The following NMNAT3 variants were observed in gnomAD, a reference collection of about 807,000 sequenced individuals.
NMNAT3 encodes nicotinamide nucleotide adenylyltransferase 3.
NMNAT3 carries 21 observed loss-of-function variants against 24.8 expected under a neutral mutation model. The ratio of observed to expected loss-of-function variants is 0.85; its 90% CI spans 0.60 to 1.22. The LOEUF is 1.22. NMNAT3 is among the 50% of genes most tolerant of loss of function. The probability of loss-of-function intolerance (pLI) is 0.00; values close to 1 mark genes in which losing one functional copy is unlikely to be tolerated. For missense variants in NMNAT3, 387 were observed against 436.6 expected, an observed-to-expected ratio of 0.89 and a Z score of 1.01; for synonymous variants, 136 against 155.2, an observed-to-expected ratio of 0.88 and a Z score of 0.92.
At position 139,578,908 on chromosome 3, in the gene NMNAT3, T is replaced by C. The variant is rs770009741; in HGVS notation, c.539A>G (p.Glu180Gly). Residue 180 changes from glutamate to glycine, a missense_variant, in exon 5 of 7, where the codon GAG (glutamate) becomes GGG (glycine). Transcript: ENST00000643695. Reference sequence around the variant, plus strand: ...CACTGTCTCCATCCACTGTGCCTGCTCACTCTCCCAAGGGTCCACCCGGAT... The same window carrying C: ...CACTGTCTCCATCCACTGTGCCTGCCCACTCTCCCAAGGGTCCACCCGGAT... The C allele has an allele frequency of 6.2e-7, 1 of 1,614,136 alleles. No individual in the cohort carries two copies.
At chr3:139,620,850 G>C (rs993590952) in intron 3 of NMNAT3, among the ~76,000 whole-genome samples, 3 of 152,202 alleles carry the variant, frequency 2.0e-5, no homozygotes, top group African/African-American at 7.2e-5. Context: ...ACATTGTGCA[G>C]TGGTGCAATC....
intron 1 of NMNAT3, among the ~76,000 whole-genome samples, chr3:139,647,167 T>G (rs1334981732): frequency 2.6e-5 from 4 of 152,212 alleles, no homozygotes; most frequent in African/African-American, 9.7e-5. Flanking sequence ...ACGTTTGTAA[T>G]TTCACTCATT....
At chr3:139,591,993 A>G (rs916279232) in intron 3 of NMNAT3, among the ~76,000 whole-genome samples, 6 of 152,256 alleles carry the variant, frequency 3.9e-5, no homozygotes, top group African/African-American at 1.4e-4. Context: ...AGCTGAGAGA[A>G]GAAGGCTTCA....
chr3:139,645,812 A>G (rs2056852559), intron 1 of NMNAT3, among the ~76,000 whole-genome samples: 1 of 152,194 alleles, frequency 6.6e-6, no homozygotes, highest in African/African-American at 2.4e-5. Flanking sequence ...AATAAGGAAG[A>G]AGGGAGAAAC....
chr3:139,593,937 C>G (rs2054321072), intron 3 of NMNAT3, among the ~76,000 whole-genome samples: 1 of 147,594 alleles, frequency 6.8e-6, no homozygotes, highest in Non-Finnish European at 1.5e-5. Context: ...CAAAAGCTAG[C>G]AGAAGGCAAG....
At chr3:139,623,006 T>A (rs2055874435) in intron 3 of NMNAT3, among the ~76,000 whole-genome samples, 1 of 151,040 alleles carries the variant, frequency 6.6e-6, no homozygotes, top group Non-Finnish European at 1.5e-5. Flanking sequence ...CACTGTTTAT[T>A]TAAACTACGC....
At chr3:139,650,513 G>C (rs2057021247) in intron 1 of NMNAT3, among the ~76,000 whole-genome samples, 1 of 152,186 alleles carries the variant, frequency 6.6e-6, no homozygotes, top group Non-Finnish European at 1.5e-5. Flanking sequence ...GTTGAGTACT[G>C]GAGAGGTGAT....
At chr3:139,591,470 G>A (rs1428387215) in intron 3 of NMNAT3, among the ~76,000 whole-genome samples, 1 of 152,168 alleles carries the variant, frequency 6.6e-6, no homozygotes, top group African/African-American at 2.4e-5. Flanking sequence ...GCCCACCACA[G>A]CTCAAGGAGG....
At chr3:139,623,294 A>G (rs955114578) in intron 3 of NMNAT3, among the ~76,000 whole-genome samples, 1 of 152,196 alleles carries the variant, frequency 6.6e-6, no homozygotes, top group African/African-American at 2.4e-5. Context: ...AGGATCATCA[A>G]TATCACCATC....
intron 1 of NMNAT3, among the ~76,000 whole-genome samples, chr3:139,674,603 G>GT (rs913549823): frequency 6.6e-6 from 1 of 152,200 alleles, no homozygotes; most frequent in Non-Finnish European, 1.5e-5. Context: ...AATTTTGCAG[G>GT]TTTTTTTCTT....
intron 3 of NMNAT3, among the ~76,000 whole-genome samples, chr3:139,610,566 G>T (rs2055163665): frequency 6.6e-6 from 1 of 152,184 alleles, no homozygotes; most frequent in South Asian, 2.1e-4. Flanking sequence ...GACCAGGCTG[G>T]AGAATTTTCC....
intron 1 of NMNAT3, among the ~76,000 whole-genome samples, chr3:139,641,263 C>T (rs2056692523): frequency 6.6e-6 from 1 of 152,206 alleles, no homozygotes; most frequent in South Asian, 2.1e-4. Flanking sequence ...TGTTGATTTT[C>T]CTTACTGTGT....
At chr3:139,640,834 C>G (rs777782617) in intron 1 of NMNAT3, among the ~76,000 whole-genome samples, 2 of 152,250 alleles carry the variant, frequency 1.3e-5, no homozygotes, top group East Asian at 3.8e-4. Context: ...TATGAGCAGA[C>G]TGCCATGGTG....
intron 3 of NMNAT3, among the ~76,000 whole-genome samples, chr3:139,594,992 T>A (rs1254315912): frequency 6.6e-6 from 1 of 152,034 alleles, no homozygotes; most frequent in Admixed American, 6.6e-5. Flanking sequence ...AAATAAAGGG[T>A]ATTCAATTAG....
chr3:139,575,988 T>C, intron 5 of NMNAT3: 1 of 1,288,962 alleles, frequency 7.8e-7, no homozygotes, highest in Non-Finnish European at 1.0e-6. Context: ...AGCCTCAGTT[T>C]CTTTATCTGT....
In NMNAT3 at chr3:139,655,879, G is replaced by A. The variant is rs987963393; in HGVS notation, c.-140-17817C>T. Among the ~76,000 whole-genome samples the A allele has an allele frequency of 2.0e-5, 3 of 152,150 alleles. No homozygotes were observed. In the South Asian group the frequency reaches 6.2e-4, roughly 32 times the overall value. On this transcript the variant is annotated intron_variant, in intron 1 of 6. Transcript: ENST00000643695. ...TGGTAGCAGAATTGCTGCTTTTGAG[G>A]GTTTTCCAAGAGTAGCTCCTTGAAA...
intron 3 of NMNAT3, among the ~76,000 whole-genome samples, chr3:139,595,749 G>C (rs962295589): frequency 2.6e-5 from 4 of 152,126 alleles, no homozygotes; most frequent in Non-Finnish European, 5.9e-5. Context: ...GGGAAAACTG[G>C]CTAGCCATAT....
intron 3 of NMNAT3, among the ~76,000 whole-genome samples, chr3:139,611,151 A>G (rs935419868): frequency 6.6e-6 from 1 of 152,186 alleles, no homozygotes; most frequent in African/African-American, 2.4e-5. Flanking sequence ...AGGAAATAAC[A>G]TCATAAAGAA....
At chr3:139,671,589 C>G (rs748568376) in intron 1 of NMNAT3, among the ~76,000 whole-genome samples, 7 of 151,148 alleles carry the variant, frequency 4.6e-5, no homozygotes, top group Non-Finnish European at 8.8e-5. Context: ...ACATGAGTAA[C>G]AGACAGTGGT....
Sources: allele counts gnomAD v4.1 joint callset (sites outside exome capture counted in the v4.1 genomes callset), GRCh38; gene constraint gnomAD v4.1.1; transcripts MANE v1.5; gene names NCBI Gene and HGNC (gene_info 2026-07-23, HGNC 2026-07-21).